The following CCDC18 variants were observed in gnomAD, a reference collection of about 807,000 sequenced individuals.
The protein encoded by CCDC18 is coiled-coil domain containing 18, also known as coiled-coil domain-containing protein 18.
In CCDC18, 157 loss-of-function variants were observed where a neutral mutation model predicts 196.0. That is an observed-to-expected ratio of 0.80 (90% CI 0.70 to 0.91). CCDC18 has a LOEUF of 0.91. Ranked by LOEUF, CCDC18 falls within the 40% of genes least tolerant of loss-of-function variation. CCDC18 has a pLI of 0.00. For missense variants in CCDC18, 1,465 were observed against 1,611.6 expected (o/e 0.91, Z 1.56); for synonymous variants, 482 against 529.2 (o/e 0.91, Z 1.22).
At chr1:93,273,730 C>T (rs925949992) in intron 28 of CCDC18, 9 of 152,182 alleles carry the variant, frequency 5.9e-5, no homozygotes, top group African/African-American at 2.2e-4. Context: ...TCCAGTGACC[C>T]TTGCAGTCAT....
chr1:93,217,169 C>T (rs947752176), intron 13 of CCDC18, among the ~76,000 whole-genome samples: 12 of 151,994 alleles, frequency 7.9e-5, no homozygotes, highest in Non-Finnish European at 2.9e-5. Context: ...CTCCTGACCT[C>T]GTGATCCACC....
At position 93,239,994 on chromosome 1, in the gene CCDC18, TCTTTGGCTCA is replaced by T. The variant is rs1570520901; in HGVS notation, c.2981+109_2981+118del. 6 of 869,784 alleles carry T rather than the reference TCTTTGGCTCA, an allele frequency of 6.9e-6. No individual in the cohort carries two copies. In the East Asian group the frequency reaches 1.6e-4, roughly 23 times the overall value. 53.9% of individuals were successfully genotyped at this position (869,784 alleles called of 1,614,324 possible). ...TCTAGACGTCTAAATTTCTCAACTGTCTTTGGCTCACTTTGGCTCATCCCAGCCAGCCTAT... is the reference window on the plus strand; with the variant it reads ...TCTAGACGTCTAAATTTCTCAACTGTCTTTGGCTCATCCCAGCCAGCCTAT... On this transcript the variant is annotated intron_variant, in intron 21 of 28. Coordinates refer to ENST00000690025, the MANE Select transcript of CCDC18 (RefSeq NM_001378204.1).
intron 23 of CCDC18, among the ~76,000 whole-genome samples, chr1:93,252,538 T>TA (rs1207047150): frequency 2.6e-5 from 4 of 152,358 alleles, no homozygotes; most frequent in East Asian, 1.9e-4. Flanking sequence ...TGCGTCGTCT[T>TA]AGAGTTTGTT....
At chr1:93,242,097 T>C (rs570954464) in intron 21 of CCDC18, among the ~76,000 whole-genome samples, 3 of 152,152 alleles carry the variant, frequency 2.0e-5, no homozygotes, top group Non-Finnish European at 4.4e-5. Context: ...AAAAATTGTA[T>C]ACAAATGTTT....
rs751975529 is a variant in CCDC18 at position 93,221,796 on chromosome 1, C to T, written c.2097+53C>T. The stretch of plus-strand genomic sequence containing the variant: ...TTAGAAGTTGACTAATATTTTATGT[C>T]TCTATAACTTGCCTTTAAATCTAAT... On this transcript the variant is annotated intron_variant, in intron 15 of 28. Transcript: ENST00000690025. 2.7e-4 allele frequency: 424 copies of T among 1,591,768 alleles called. 1 individual carries two copies. The highest frequency in any genetic ancestry group is 3.4e-4 in the Non-Finnish European group (395 of 1,171,476).
Position 93,232,603 on chromosome 1 carries a change from A to T in CCDC18, c.2460+10A>T. The T allele has an allele frequency of 3.2e-6, 5 of 1,540,234 alleles. No homozygotes were observed. Among genetic ancestry groups the T allele is most frequent in the Non-Finnish European group, 4.4e-6 (5 of 1,129,384 alleles). ...TAAACTTGAAAAACAGGTATATATT[A>T]TTAGCCCAAGATTGTTTTATTTGTA... On this transcript the variant is annotated intron_variant, in intron 18 of 28. Coordinates refer to ENST00000690025, the MANE Select transcript of CCDC18 (RefSeq NM_001378204.1).
rs781653772 is a variant in CCDC18 at position 93,246,205 on chromosome 1, G to A, written c.3081+1G>A. On this transcript the variant is annotated splice_donor_variant, in intron 22 of 28. Coordinates refer to ENST00000690025, the MANE Select transcript of CCDC18 (RefSeq NM_001378204.1). LOFTEE classifies it high-confidence loss of function. ...GGAACTAAAGCAAAGAGCAGCTCAG[G>A]TTGATTTTTCTTGATTATATTTTAA... 5 of 1,586,678 alleles carry A rather than the reference G, an allele frequency of 3.2e-6. No individual in the cohort carries two copies. The South Asian group carries it at 5.8e-5, about 18-fold the overall frequency.
intron 14 of CCDC18, among the ~76,000 whole-genome samples, chr1:93,219,337 C>G (rs1422100845): frequency 1.3e-4 from 19 of 151,830 alleles, no homozygotes; most frequent in Admixed American, 6.6e-5. Context: ...TTTTTTCTTT[C>G]CTCATTAAGT....
Position 93,239,672 on chromosome 1 carries a change from CCTCTT to C in CCDC18, c.2768-10_2768-6del, listed in dbSNP as rs1660508947. On this transcript the variant is annotated splice_polypyrimidine_tract_variant and splice_region_variant and intron_variant, in intron 20 of 28. Transcript: ENST00000690025. ...ACATATAGTTATAAAATTATTCTCT[CCTCTT>C]AATAGTAAAGGAGTTAGAAAAGTTA... 1 of 1,564,606 alleles carries C rather than the reference CCTCTT, an allele frequency of 6.4e-7. No individual in the cohort carries two copies. The highest frequency in any genetic ancestry group is 1.4e-5 in the African/African-American group (1 of 73,618).
intron 24 of CCDC18, among the ~76,000 whole-genome samples, chr1:93,255,055 T>A (rs1307963452): frequency 2.1e-5 from 3 of 144,166 alleles, no homozygotes; most frequent in Non-Finnish European, 3.0e-5. Flanking sequence ...CGGGTTCCAG[T>A]GATTCTCCTG....
intron 23 of CCDC18, among the ~76,000 whole-genome samples, chr1:93,252,275 C>G (rs1484095143): frequency 4.6e-5 from 7 of 152,130 alleles, no homozygotes; most frequent in Non-Finnish European, 7.4e-5. Flanking sequence ...CTCCTGGGCT[C>G]AAGTGATCCT....
chr1:93,198,178 C>A (rs188556004), intron 6 of CCDC18, among the ~76,000 whole-genome samples: 8 of 152,218 alleles, frequency 5.3e-5, no homozygotes, highest in African/African-American at 1.9e-4. Flanking sequence ...AAAACTTAGT[C>A]CCTGTATTAA....
chr1:93,229,809 T>TA (rs1256448821), intron 17 of CCDC18, among the ~76,000 whole-genome samples: 1 of 152,160 alleles, frequency 6.6e-6, no homozygotes, highest in Non-Finnish European at 1.5e-5. Flanking sequence ...TTTAAAATAA[T>TA]AAAGTTATGT....
chr1:93,246,229 A>G lies in CCDC18; in HGVS notation c.3081+25A>G, dbSNP rs375492390. ...GGTTGATTTTTCTTGATTATATTTT[A>G]ATGGAGTTTTCTGTTATGACACAGT... is the stretch of plus-strand genomic sequence containing the variant. On this transcript the variant is annotated intron_variant, in intron 22 of 28. Transcript: ENST00000690025. 1.1e-3 allele frequency: 1,657 copies of G among 1,509,664 alleles called. 3 individuals carry two copies. Among genetic ancestry groups the G allele is most frequent in the Non-Finnish European group, 1.4e-3 (1,579 of 1,107,172 alleles). The allele number at this position is 1,509,664 out of a possible 1,614,324, so 93.5% of individuals were successfully genotyped here. A position where few individuals can be genotyped will look rare whatever the true frequency, so the allele number is the denominator to read the frequency against.
chr1:93,232,668 T>C (rs1659428209), intron 18 of CCDC18, 75 bp downstream of exon 18: 5 of 1,196,644 alleles, frequency 4.2e-6, no homozygotes, highest in Middle Eastern at 2.7e-4. Flanking sequence ...GATTTTTCGT[T>C]AGTTTTTTAA....
Position 93,224,527 on chromosome 1 carries a change from T to C in CCDC18, c.2176-1806T>C, listed in dbSNP as rs529430397. Among the ~76,000 whole-genome samples the C allele has an allele frequency of 2.6e-5, 4 of 152,328 alleles. No individual in the cohort carries two copies. The South Asian group carries it at 8.3e-4, about 32-fold the overall frequency. On this transcript the variant is annotated intron_variant, in intron 16 of 28. Coordinates refer to ENST00000690025, the MANE Select transcript of CCDC18 (RefSeq NM_001378204.1). ...CATCACCTGGAAGCTTTGAAGAGTATCTAGCCATGCCCCAGACCTGATTCA... is the reference window on the plus strand; with the variant it reads ...CATCACCTGGAAGCTTTGAAGAGTACCTAGCCATGCCCCAGACCTGATTCA...
Position 93,270,681 on chromosome 1 carries a change from TCA to T in CCDC18, c.4223_4224del (p.Thr1408IlefsTer2). 1 of 1,550,384 alleles carries T rather than the reference TCA, an allele frequency of 6.5e-7. No individual in the cohort carries two copies. Among genetic ancestry groups the T allele is most frequent in the Middle Eastern group, 1.7e-4 (1 of 5,984 alleles). On this transcript the variant is annotated frameshift_variant, in exon 28 of 29. Transcript: ENST00000690025. LOFTEE classifies it high-confidence loss of function. ...ACCCAGCCAGACTCATTTAAACCTC[TCA>T]CATATAACCTAGAAGCTGATAGTTC...
At chr1:93,233,291 A>C (rs1427021622) in intron 18 of CCDC18, among the ~76,000 whole-genome samples, 3 of 152,228 alleles carry the variant, frequency 2.0e-5, no homozygotes, top group Non-Finnish European at 2.9e-5. Flanking sequence ...ATTAAAAATT[A>C]TTACTTACTT....
At chr1:93,269,869 T>A (rs1395414764) in intron 27 of CCDC18, 1 of 152,268 alleles carries the variant, frequency 6.6e-6, no homozygotes. Context: ...ACTTTAAGTT[T>A]TTGAAAAATT....
Sources: allele counts gnomAD v4.1 joint callset (sites outside exome capture counted in the v4.1 genomes callset), GRCh38; gene constraint gnomAD v4.1.1; transcripts MANE v1.5; gene names NCBI Gene and HGNC (gene_info 2026-07-23, HGNC 2026-07-21).